The following NRG3 variants were observed in gnomAD, a reference collection of about 807,000 sequenced individuals.
The protein encoded by NRG3 is neuregulin 3, also known as pro-neuregulin-3, membrane-bound isoform.
Under a neutral mutation model 66.9 loss-of-function variants are expected in NRG3, and 31 were observed. That is an observed-to-expected ratio of 0.46 (90% CI 0.35 to 0.63). NRG3 has a LOEUF of 0.63. NRG3 is among the 20% of genes least tolerant of loss of function. The pLI is 0.00. For missense variants in NRG3, 910 were observed against 878.9 expected (o/e 1.04, Z -0.45); for synonymous variants, 393 against 359.4 (o/e 1.09, Z -1.06).
In NRG3 at chr10:81,915,325, G is replaced by A. The variant is rs575994332; in HGVS notation, c.823+39162G>A. Among the ~76,000 whole-genome samples, 53 of 152,290 alleles carry A rather than the reference G, an allele frequency of 3.5e-4. No individual in the cohort carries two copies. In the South Asian group the frequency reaches 8.9e-3, roughly 26 times the overall value. On this transcript the variant is annotated intron_variant, in intron 1 of 8. Coordinates refer to ENST00000372141, the MANE Select transcript of NRG3 (RefSeq NM_001010848.4). ...GAGTATAAAAGCATGTGCTCTGCTC[G>A]TGGTTGGTCAGCTGCCTTGGAGAGG...
intron 3 of NRG3, among the ~76,000 whole-genome samples, chr10:82,773,490 T>G (rs1423342109): frequency 6.6e-6 from 1 of 152,202 alleles, no homozygotes; most frequent in Admixed American, 6.6e-5. Context: ...TATTAATCCC[T>G]TATCAGATAT....
intron 1 of NRG3, among the ~76,000 whole-genome samples, chr10:82,144,543 A>T (rs957823646): frequency 2.6e-5 from 4 of 152,196 alleles, no homozygotes; most frequent in African/African-American, 7.2e-5. Context: ...GTTAAAAGAG[A>T]GTAGTCTCAT....
intron 3 of NRG3, among the ~76,000 whole-genome samples, chr10:82,751,776 T>C (rs1437637508): frequency 1.3e-5 from 2 of 152,148 alleles, no homozygotes; most frequent in East Asian, 1.9e-4. Flanking sequence ...TGAGAGATAA[T>C]AGCATGACCT....
intron 1 of NRG3, among the ~76,000 whole-genome samples, chr10:82,344,525 C>T (rs1269581219): frequency 6.8e-6 from 1 of 146,400 alleles, no homozygotes; most frequent in Non-Finnish European, 1.5e-5. Context: ...AATAAACATA[C>T]GTATGCATGT....
At chr10:81,900,854 G>T (rs1843999443) in intron 1 of NRG3, among the ~76,000 whole-genome samples, 1 of 152,104 alleles carries the variant, frequency 6.6e-6, no homozygotes, top group Admixed American at 6.5e-5. Context: ...TTTTCAGTTA[G>T]CAATATAATA....
intron 1 of NRG3, among the ~76,000 whole-genome samples, chr10:82,252,582 A>G (rs2077533576): frequency 6.6e-6 from 1 of 152,150 alleles, no homozygotes; most frequent in African/African-American, 2.4e-5. Context: ...CTGGTACAGT[A>G]TTGCTCCTAA....
intron 1 of NRG3, among the ~76,000 whole-genome samples, chr10:82,021,291 T>C (rs1338206865): frequency 2.0e-5 from 3 of 152,036 alleles, no homozygotes; most frequent in Non-Finnish European, 4.4e-5. Flanking sequence ...GGGAACTCTA[T>C]TGATTTTTAG....
At chr10:82,639,600 G>T (rs1229126249) in intron 2 of NRG3, among the ~76,000 whole-genome samples, 1 of 152,104 alleles carries the variant, frequency 6.6e-6, no homozygotes, top group African/African-American at 2.4e-5. Context: ...AATTTTCATT[G>T]AAATTTTTCA....
chr10:82,129,251 G>A (rs2068656745), intron 1 of NRG3, among the ~76,000 whole-genome samples: 1 of 149,774 alleles, frequency 6.7e-6, no homozygotes, highest in Non-Finnish European at 1.5e-5. Flanking sequence ...TCAATACACA[G>A]TATTCCTGTA....
chr10:82,693,232 C>A (rs980863685), intron 2 of NRG3, among the ~76,000 whole-genome samples: 2 of 152,138 alleles, frequency 1.3e-5, no homozygotes, highest in Non-Finnish European at 2.9e-5. Flanking sequence ...TACATGATGT[C>A]AAGCCAACAG....
chr10:82,539,133 A>G (rs1436488004), intron 2 of NRG3, among the ~76,000 whole-genome samples: 1 of 152,184 alleles, frequency 6.6e-6, no homozygotes, highest in Non-Finnish European at 1.5e-5. Context: ...TGGACAGCTC[A>G]TTGTCTCCAT....
At chr10:82,365,290 A>G (rs79182911) in intron 2 of NRG3, among the ~76,000 whole-genome samples, 1 of 152,178 alleles carries the variant, frequency 6.6e-6, no homozygotes, top group Non-Finnish European at 1.5e-5. Context: ...TAAAATATCT[A>G]TAAATCCAGG....
chr10:82,828,172 T>C (rs549213440), intron 3 of NRG3, among the ~76,000 whole-genome samples: 22 of 152,254 alleles, frequency 1.4e-4, no homozygotes, highest in African/African-American at 4.3e-4. Flanking sequence ...GCCATAGCAT[T>C]GTCCAGAGCA....
chr10:82,882,195 G>A (rs546367467), intron 4 of NRG3, among the ~76,000 whole-genome samples: 31 of 152,200 alleles, frequency 2.0e-4, no homozygotes, highest in Admixed American at 1.2e-3. Flanking sequence ...AGTGTATAAG[G>A]CGCTTATGTG....
chr10:82,859,621 T>G (rs1007176847), intron 3 of NRG3, among the ~76,000 whole-genome samples: 6 of 152,180 alleles, frequency 3.9e-5, no homozygotes, highest in African/African-American at 1.4e-4. Context: ...TGTGAATGCG[T>G]TAGAAACACC....
At chr10:82,906,680 T>A (rs1564620264) in intron 4 of NRG3, among the ~76,000 whole-genome samples, 1 of 152,158 alleles carries the variant, frequency 6.6e-6, no homozygotes, top group East Asian at 1.9e-4. Context: ...ATGACTAACA[T>A]CCTAATATGC....
At chr10:82,377,836 C>T (rs895315991) in intron 2 of NRG3, among the ~76,000 whole-genome samples, 20 of 152,150 alleles carry the variant, frequency 1.3e-4, no homozygotes, top group Non-Finnish European at 2.8e-4. Flanking sequence ...CTGCAAATAA[C>T]GTTTACAAAT....
chr10:82,517,670 CATGT>C (rs1565016723), intron 2 of NRG3, among the ~76,000 whole-genome samples: 23 of 89,206 alleles, frequency 2.6e-4, no homozygotes, highest in Non-Finnish European at 2.5e-4. Flanking sequence ...TGTGTGTGTG[CATGT>C]GTGTGTGTGT....
At chr10:81,897,017 T>A (rs1843591731) in intron 1 of NRG3, among the ~76,000 whole-genome samples, 1 of 152,142 alleles carries the variant, frequency 6.6e-6, no homozygotes, top group Non-Finnish European at 1.5e-5. Context: ...AGTTTGAATT[T>A]ATATAGGTGT....
Sources: gnomAD v4.1 joint callset for allele counts (sites outside exome capture counted in the v4.1 genomes callset) on GRCh38, gnomAD v4.1.1 for gene constraint, MANE v1.5 for transcripts, NCBI Gene and HGNC (gene_info 2026-07-23, HGNC 2026-07-21) for gene names.